The following PBX1 variants were observed in gnomAD, a reference collection of about 807,000 sequenced individuals.
PBX1 encodes pre-B-cell leukemia transcription factor 1.
A neutral mutation model predicts 53.4 loss-of-function variants in PBX1; 6 were observed. The ratio of observed to expected loss-of-function variants is 0.11; its 90% CI spans 0.06 to 0.22. PBX1 has a LOEUF of 0.22. Among genes scored for constraint, PBX1 ranks in the 10% least tolerant of loss-of-function variants. The pLI is 1.00. For synonymous variants in PBX1, 204 were observed against 212.3 expected (o/e 0.96, Z 0.34); for missense variants, 251 against 551.4 (o/e 0.46, Z 5.46).
intron 2 of PBX1, among the ~76,000 whole-genome samples, chr1:164,748,949 C>T (rs1172185097): frequency 6.6e-6 from 1 of 152,136 alleles, no homozygotes; most frequent in East Asian, 1.9e-4. Context: ...AGAGCAAGCT[C>T]ACCACTCTTG....
chr1:164,804,798 A>C (rs1669260141), intron 4 of PBX1, among the ~76,000 whole-genome samples: 1 of 152,266 alleles, frequency 6.6e-6, no homozygotes, highest in Non-Finnish European at 1.5e-5. Context: ...TAGGTACTCC[A>C]ATCTTTGAAT....
In PBX1 at chr1:164,847,493, A is replaced by G. The variant is rs772957901; in HGVS notation, c.*817A>G. 4.9e-5 allele frequency: 52 copies of G among 1,062,176 alleles called. No individual in the cohort carries two copies. The highest frequency in any genetic ancestry group is 5.8e-5 in the Non-Finnish European group (51 of 877,340). The allele number at this position is 1,062,176 out of a possible 1,614,324, so 65.8% of individuals were successfully genotyped here. On this transcript the variant is annotated 3_prime_UTR_variant, in exon 9 of 9. Transcript: ENST00000420696. The stretch of plus-strand genomic sequence containing the variant: ...GCACAGTCTTTGGAGACCATTCAGC[A>G]CTGAGAAAGCAATATTTAGAACCTA...
chr1:164,596,979 A>G (rs577556918), intron 2 of PBX1, among the ~76,000 whole-genome samples: 2 of 152,196 alleles, frequency 1.3e-5, no homozygotes, highest in South Asian at 4.1e-4. Context: ...TATGAGACTC[A>G]GTCTCCTGAA....
chr1:164,760,808 T>C (rs1393929397), intron 2 of PBX1, among the ~76,000 whole-genome samples: 3 of 152,220 alleles, frequency 2.0e-5, no homozygotes, highest in Non-Finnish European at 4.4e-5. Context: ...CTCTGCTTAG[T>C]TGGAATAACA....
intron 1 of PBX1, chr1:164,560,354 T>G (rs1652947658): frequency 2.5e-6 from 1 of 397,550 alleles, no homozygotes; most frequent in Non-Finnish European, 4.4e-6. Context: ...TTTAAAAAAG[T>G]ATCAGAGAAA....
chr1:164,681,071 C>T (rs1206368310), intron 2 of PBX1, among the ~76,000 whole-genome samples: 1 of 148,224 alleles, frequency 6.7e-6, no homozygotes, highest in Non-Finnish European at 1.5e-5. Flanking sequence ...CGAGACCAGC[C>T]TGACTCTACT....
At chr1:164,878,130 A>T (rs530045144) in intron 2 of PBX1, among the ~76,000 whole-genome samples, 3 of 152,320 alleles carry the variant, frequency 2.0e-5, no homozygotes, top group African/African-American at 7.2e-5. Flanking sequence ...CTTTGGACTC[A>T]GTTTAGAGTT....
chr1:164,595,627 G>A (rs1655701574), intron 2 of PBX1, among the ~76,000 whole-genome samples: 1 of 151,882 alleles, frequency 6.6e-6, no homozygotes, highest in Non-Finnish European at 1.5e-5. Flanking sequence ...AAACTGATAT[G>A]ATCGTTGTAT....
At chr1:164,752,206 TTGTGTGTGTGTGTGTGTGTG>T (rs10629820) in intron 2 of PBX1, among the ~76,000 whole-genome samples, 1 of 143,022 alleles carries the variant, frequency 7.0e-6, no homozygotes, top group South Asian at 2.3e-4. Context: ...CTTTAAGGTT[TTGTGTGTGTGTGTGTGTGTG>T]TGTGTGTGTG....
rs574637665 is a variant in PBX1, at chr1:164,564,431, G to A, written c.265+1120G>A. Among the ~76,000 whole-genome samples the A allele has an allele frequency of 1.3e-4, 20 of 152,202 alleles. 1 individual carries two copies. Among genetic ancestry groups the A allele is most frequent in the African/African-American group, 4.6e-4 (19 of 41,542 alleles). ...TGGGCGGGGGGAGAGGGCACACAGG[G>A]TGGCTTTCTTTTTGAGAGCTCTCTG... On this transcript the variant is annotated intron_variant, in intron 2 of 8. Transcript: ENST00000420696.
intron 5 of PBX1, among the ~76,000 whole-genome samples, chr1:164,809,337 C>G (rs10918072): frequency 0.49 from 74,556 of 151,912 alleles, 18,556 homozygotes; most frequent in South Asian, 0.58. Flanking sequence ...CCATTAAAAT[C>G]CTTATTTACA....
Position 164,784,547 on chromosome 1 carries a change from A to G in PBX1, c.266-7947A>G, listed in dbSNP as rs373851269. ...TTGGTGTGTTTCTCTAAAGACAACC[A>G]CAAAACATAAACAAACAAACAAAAA... On this transcript the variant is annotated intron_variant, in intron 2 of 8. Coordinates refer to ENST00000420696, the MANE Select transcript of PBX1 (RefSeq NM_002585.4). Among the ~76,000 whole-genome samples the G allele has an allele frequency of 1.4e-3, 218 of 152,378 alleles. No homozygotes were observed. In the Middle Eastern group the frequency reaches 0.02, roughly 14 times the overall value.
In PBX1 at chr1:164,668,231, G is replaced by C. The variant is rs545346675; in HGVS notation, c.265+104920G>C. On this transcript the variant is annotated intron_variant, in intron 2 of 8. Coordinates refer to ENST00000420696, the MANE Select transcript of PBX1 (RefSeq NM_002585.4). The stretch of plus-strand genomic sequence containing the variant: ...AATGAGCATAAAGTCACACCCAAGC[G>C]ACCGGTCTTTCCTAGGAAGACCTTT... Among the ~76,000 whole-genome samples the C allele has an allele frequency of 4.1e-4, 63 of 152,246 alleles. 2 individuals carry two copies. Among genetic ancestry groups the C allele is most frequent in the African/African-American group, 1.5e-3 (62 of 41,546 alleles).
chr1:164,760,094 G>T (rs546497677), intron 2 of PBX1, among the ~76,000 whole-genome samples: 6 of 152,088 alleles, frequency 3.9e-5, no homozygotes, highest in Non-Finnish European at 7.3e-5. Context: ...TTTCTATCTC[G>T]TTTATTTTAA....
At position 164,699,435 on chromosome 1, in the gene PBX1, C is replaced by A. The variant is rs6658177; in HGVS notation, c.266-93059C>A. Reference sequence around the variant, plus strand: ...CTCCCCGAGAACAAAGATTGTGGATCCCCAAAGTACCTCCACCTCCTCACT... The same window carrying A: ...CTCCCCGAGAACAAAGATTGTGGATACCCAAAGTACCTCCACCTCCTCACT... On this transcript the variant is annotated intron_variant, in intron 2 of 8. Coordinates refer to ENST00000420696, the MANE Select transcript of PBX1 (RefSeq NM_002585.4). Among the ~76,000 whole-genome samples the A allele has an allele frequency of 5.8e-3, 877 of 152,070 alleles. 12 individuals carry two copies. The highest frequency in any genetic ancestry group is 0.02 in the African/African-American group (822 of 41,470).
chr1:164,707,428 AGAGAG>A, intron 2 of PBX1, among the ~76,000 whole-genome samples: 1 of 85,464 alleles, frequency 1.2e-5, no homozygotes, highest in Non-Finnish European at 2.8e-5. Context: ...TGAGAGAGAG[AGAGAG>A]AGAGAGAGAG....
At chr1:164,755,457 G>A (rs1459781076) in intron 2 of PBX1, among the ~76,000 whole-genome samples, 1 of 152,072 alleles carries the variant, frequency 6.6e-6, no homozygotes, top group Non-Finnish European at 1.5e-5. Flanking sequence ...CCTTTTACTT[G>A]TGGTTATTTT....
intron 2 of PBX1, among the ~76,000 whole-genome samples, chr1:164,655,465 G>C (rs1424176178): frequency 6.9e-6 from 1 of 144,554 alleles, no homozygotes; most frequent in Non-Finnish European, 1.6e-5. Flanking sequence ...TGCTATGGGA[G>C]TGTGGTCTGG....
intron 2 of PBX1, among the ~76,000 whole-genome samples, chr1:164,687,859 A>AAG (rs1232919921): frequency 6.6e-6 from 1 of 152,194 alleles, no homozygotes; most frequent in Non-Finnish European, 1.5e-5. Flanking sequence ...CTTAAAGAAG[A>AAG]AATAACTTTG....
Sources: gnomAD v4.1 joint callset for allele counts (sites outside exome capture counted in the v4.1 genomes callset) on GRCh38, gnomAD v4.1.1 for gene constraint, MANE v1.5 for transcripts, NCBI Gene and HGNC (gene_info 2026-07-23, HGNC 2026-07-21) for gene names.